Variants in DOCK8 observed in about 807,000 individuals in gnomAD.
DOCK8 encodes dedicator of cytokinesis protein 8.
A neutral mutation model predicts 245.6 loss-of-function variants in DOCK8; 141 were observed. That is an observed-to-expected ratio of 0.57 (90% confidence interval 0.50 to 0.66). The LOEUF is 0.66. Ranked by LOEUF, DOCK8 falls within the 30% of genes least tolerant of loss-of-function variation. The pLI is 0.00. For synonymous variants in DOCK8, 1,168 were observed against 970.2 expected (o/e 1.20, Z -3.79); for missense variants, 2,965 against 2,603.4 (o/e 1.14, Z -3.02).
At chr9:327,741 C>T (rs1260330688) in intron 8 of DOCK8, among the ~76,000 whole-genome samples, 1 of 152,194 alleles carries the variant, frequency 6.6e-6, no homozygotes, top group African/African-American at 2.4e-5. Flanking sequence ...CAGAGGTCCT[C>T]CTCTTCTGTA....
At position 449,918 on chromosome 9, in the gene DOCK8, T is replaced by C. The variant is rs1172016648; in HGVS notation, c.5952T>C (p.Thr1984=). The C allele has an allele frequency of 6.2e-7, 1 of 1,613,890 alleles. No individual in the cohort carries two copies. The highest frequency in any genetic ancestry group is 8.5e-7 in the Non-Finnish European group (1 of 1,180,004). ...TGCTGCAAGGCTCTGTGGGAGCTAC[T>C]GTAAATCAGGTAAGCAAAACCAGAG... The part of the protein sequence containing the change: ...QMVLQGSVGA[T]VNQGPLEVAQ... Residue 1984 remains threonine (T), a synonymous_variant, in exon 45 of 48, where the codon ACT becomes ACC. Coordinates refer to ENST00000432829, the MANE Select transcript of DOCK8 (RefSeq NM_203447.4).
chr9:417,163 C>T (rs992696617), intron 29 of DOCK8, among the ~76,000 whole-genome samples: 2 of 152,024 alleles, frequency 1.3e-5, no homozygotes, highest in African/African-American at 2.4e-5. Context: ...GGCGTGGTGG[C>T]GCACCTGTAA....
In DOCK8 at chr9:358,487, A is replaced by C. The variant is rs78272281; in HGVS notation, c.1680-9531A>C. 9.3e-4 allele frequency among the ~76,000 whole-genome samples: 142 copies of C among 152,358 alleles called. 1 individual carries two copies. In the East Asian group the frequency reaches 0.01, roughly 11 times the overall value. On this transcript the variant is annotated intron_variant, in intron 14 of 47. Coordinates refer to ENST00000432829, the MANE Select transcript of DOCK8 (RefSeq NM_203447.4). Reference sequence around the variant, plus strand: ...GAAAGGAAAATAAGGAGAGAGAAATAAATCTAAGTGTGTGTAAGGTTAATA... The same window carrying C: ...GAAAGGAAAATAAGGAGAGAGAAATCAATCTAAGTGTGTGTAAGGTTAATA...
intron 33 of DOCK8, 150 bp from the exon 34 acceptor site, chr9:426,735 G>GCGT: frequency 1.4e-6 from 1 of 699,018 alleles, no homozygotes; most frequent in South Asian, 1.6e-5. Context: ...GAAGGCACCT[G>GCGT]CACTGTAGTT....
chr9:355,573 T>C (rs1043377050), intron 14 of DOCK8, among the ~76,000 whole-genome samples: 4 of 152,150 alleles, frequency 2.6e-5, no homozygotes, highest in Non-Finnish European at 5.9e-5. Context: ...AGCCACTCCT[T>C]GACAGATACT....
intron 18 of DOCK8, among the ~76,000 whole-genome samples, chr9:372,783 C>A (rs1038083688): frequency 6.6e-6 from 1 of 150,742 alleles, no homozygotes; most frequent in Admixed American, 6.6e-5. Context: ...TGCAGTGCAC[C>A]CATTTAAAGA....
chr9:283,405 T>C (rs1042328220), intron 2 of DOCK8, among the ~76,000 whole-genome samples: 1 of 152,234 alleles, frequency 6.6e-6, no homozygotes, highest in Non-Finnish European at 1.5e-5. Context: ...AATACTTTTT[T>C]TTATTTGTAT....
intron 39 of DOCK8, among the ~76,000 whole-genome samples, chr9:438,124 A>C (rs567652097): frequency 6.6e-6 from 1 of 152,348 alleles, no homozygotes; most frequent in Admixed American, 6.5e-5. Context: ...ACAGTATTGC[A>C]TGTGAAGAGA....
chr9:227,208 T>A (rs1410414697), intron 1 of DOCK8, among the ~76,000 whole-genome samples: 2 of 152,212 alleles, frequency 1.3e-5, no homozygotes, highest in Admixed American at 1.3e-4. Flanking sequence ...TGGCACAAGA[T>A]TTCCATCCTG....
chr9:324,120 A>G (rs2050646516), intron 7 of DOCK8, among the ~76,000 whole-genome samples: 1 of 152,270 alleles, frequency 6.6e-6, no homozygotes, highest in African/African-American at 2.4e-5. Flanking sequence ...TCGCAGAATT[A>G]GCAGATGGTG....
At chr9:387,049 A>G (rs201489402) in intron 23 of DOCK8, among the ~76,000 whole-genome samples, 1 of 152,172 alleles carries the variant, frequency 6.6e-6, no homozygotes, top group African/African-American at 2.4e-5. Context: ...GGATGGAGGG[A>G]AAAAAAACTG....
At chr9:289,374 A>G (rs2048946947) in intron 3 of DOCK8, 136 bp from the exon 4 acceptor site, 1 of 721,110 alleles carries the variant, frequency 1.4e-6, no homozygotes, top group Non-Finnish European at 2.5e-6. Flanking sequence ...GACATTTGGA[A>G]TGATTGGGCA....
chr9:435,815 A>G (rs997918194), intron 39 of DOCK8, among the ~76,000 whole-genome samples: 2 of 152,216 alleles, frequency 1.3e-5, no homozygotes, highest in Non-Finnish European at 2.9e-5. Flanking sequence ...AGAGAGAGAA[A>G]ATAAAAAAGC....
Position 376,215 on chromosome 9 carries a change from C to T in DOCK8, c.2115C>T (p.Val705=), listed in dbSNP as rs759816985. ...PNYSMHSAEK[V]PLQNPPIKWA... ...TTTTTTTCTCTTTAACACAGAAAGT[C>T]CCATTACAGAATCCTCCCATTAAGT... Residue 705 remains valine (V), a synonymous_variant, in exon 19 of 48, where the codon GTC becomes GTT. Coordinates refer to ENST00000432829, the MANE Select transcript of DOCK8 (RefSeq NM_203447.4). The T allele has an allele frequency of 3.0e-5, 48 of 1,605,754 alleles. No homozygotes were observed. Among genetic ancestry groups the T allele is most frequent in the Middle Eastern group, 1.6e-4 (1 of 6,068 alleles).
chr9:441,052 G>A lies in DOCK8; in HGVS notation c.5224-234G>A, dbSNP rs76301513. On this transcript the variant is annotated intron_variant, in intron 40 of 47. Transcript: ENST00000432829. Reference sequence around the variant, plus strand: ...CTCAGCCAGTATTTTTTTTTCCCCCGAAAGCTCTTCTCCTTACTTATCGCC... The same window carrying A: ...CTCAGCCAGTATTTTTTTTTCCCCCAAAAGCTCTTCTCCTTACTTATCGCC... Among the ~76,000 whole-genome samples the A allele has an allele frequency of 6.0e-3, 912 of 151,848 alleles. 12 individuals carry two copies. The highest frequency in any genetic ancestry group is 0.037 in the East Asian group (193 of 5,158).
chr9:337,796 G>A lies in DOCK8; in HGVS notation c.1422+1078G>A, dbSNP rs140354168. Among the ~76,000 whole-genome samples the A allele has an allele frequency of 3.1e-3, 477 of 152,290 alleles. 8 individuals carry two copies. Among genetic ancestry groups the A allele is most frequent in the South Asian group, 0.023 (113 of 4,828 alleles). Reference sequence around the variant, plus strand: ...TTCAGATTTTTTTTGCAAGACAAAAGCATTCTGGAGGTTGGTTGCACAACA... The same window carrying A: ...TTCAGATTTTTTTTGCAAGACAAAAACATTCTGGAGGTTGGTTGCACAACA... On this transcript the variant is annotated intron_variant, in intron 12 of 47. Transcript: ENST00000432829.
chr9:406,864 C>T lies in DOCK8; in HGVS notation c.3391-66C>T. 6 of 1,607,342 alleles carry T rather than the reference C, an allele frequency of 3.7e-6. No homozygotes were observed. The South Asian group carries it at 4.4e-5, about 12-fold the overall frequency. On this transcript the variant is annotated intron_variant, in intron 27 of 47. Transcript: ENST00000432829. ...CTGGCTGGGGCGAGGACTCAGTAAA[C>T]ACTGGCCATCGCTATTTTCATTCCA...
chr9:221,993 C>T (rs2046893336), intron 1 of DOCK8, among the ~76,000 whole-genome samples: 1 of 151,990 alleles, frequency 6.6e-6, no homozygotes. Flanking sequence ...GTGGCTCATG[C>T]CTGGAACCTG....
intron 27 of DOCK8, 33 bp from the exon 28 acceptor site, chr9:406,897 T>C (rs1304748897): frequency 1.2e-6 from 2 of 1,613,898 alleles, no homozygotes; most frequent in Admixed American, 1.7e-5. Flanking sequence ...CCAGTTCTTG[T>C]GGCTCATAAA....
Sources: gnomAD v4.1 joint callset for allele counts (sites outside exome capture counted in the v4.1 genomes callset) on GRCh38, gnomAD v4.1.1 for gene constraint, MANE v1.5 for transcripts, NCBI Gene and HGNC (gene_info 2026-07-23, HGNC 2026-07-21) for gene names.